The following GPC5 variants were observed in gnomAD, a reference collection of about 807,000 sequenced individuals.
GPC5 encodes the protein glypican-5.
Under a neutral mutation model 53.9 loss-of-function variants are expected in GPC5, and 47 were observed. The observed-to-expected ratio is 0.87, with a 90% CI of 0.69 to 1.11. The LOEUF (loss-of-function observed/expected upper bound fraction) is 1.11. GPC5 is among the 50% of genes most tolerant of loss of function. The pLI, the probability that GPC5 is intolerant of heterozygous loss-of-function variation, is 0.00. For synonymous variants in GPC5, 286 were observed against 263.3 expected (o/e 1.09, Z -0.84); for missense variants, 748 against 713.1 (o/e 1.05, Z -0.56).
intron 7 of GPC5, among the ~76,000 whole-genome samples, chr13:92,455,045 T>C (rs552496950): frequency 6.6e-6 from 1 of 152,148 alleles, no homozygotes; most frequent in Non-Finnish European, 1.5e-5. Context: ...ATGTTAAATA[T>C]GTATTGAGAA....
intron 2 of GPC5, among the ~76,000 whole-genome samples, chr13:91,615,889 G>T (rs1016903567): frequency 8.5e-5 from 13 of 152,116 alleles, no homozygotes. Context: ...TACTAGGATA[G>T]TTTCAAATGT....
rs377690152 is a variant in GPC5 at position 92,297,584 on chromosome 13, T to G, written c.1561+152595T>G. 3.5e-3 allele frequency among the ~76,000 whole-genome samples: 534 copies of G among 152,104 alleles called. 4 individuals carry two copies. The highest frequency in any genetic ancestry group is 0.012 in the African/African-American group (505 of 41,468). ...TGTATCTAGCTGCTCTGGTGGGGCC[T>G]TGGAGAACCTGTGTGTCGAAACTCT... is the stretch of plus-strand genomic sequence containing the variant. On this transcript the variant is annotated intron_variant, in intron 7 of 7. Coordinates refer to ENST00000377067, the MANE Select transcript of GPC5 (RefSeq NM_004466.6).
In GPC5 at chr13:91,626,663, A is replaced by T. The variant is rs560180037; in HGVS notation, c.326-66524A>T. Among the ~76,000 whole-genome samples, 24 of 151,550 alleles carry T rather than the reference A, an allele frequency of 1.6e-4. 1 individual carries two copies. In the South Asian group the frequency reaches 4.6e-3, roughly 29 times the overall value. ...GGAGCTTATTTTATTTTATTTTTTTATTTGTTTATATATATATTTATTATA... is the reference window on the plus strand; with the variant it reads ...GGAGCTTATTTTATTTTATTTTTTTTTTTGTTTATATATATATTTATTATA... On this transcript the variant is annotated intron_variant, in intron 2 of 7. Coordinates refer to ENST00000377067, the MANE Select transcript of GPC5 (RefSeq NM_004466.6).
intron 2 of GPC5, among the ~76,000 whole-genome samples, chr13:91,528,616 A>T (rs1186207252): frequency 1.3e-5 from 2 of 152,148 alleles, no homozygotes; most frequent in Non-Finnish European, 2.9e-5. Context: ...AGTTGCTTCC[A>T]CATTTTCATG....
At chr13:91,860,489 C>T (rs1006597652) in intron 5 of GPC5, among the ~76,000 whole-genome samples, 1 of 148,036 alleles carries the variant, frequency 6.8e-6, no homozygotes, top group Non-Finnish European at 1.5e-5. Flanking sequence ...TTCCTTCCTT[C>T]CTCTTTCTTT....
At chr13:92,590,867 T>C (rs1195909277) in intron 7 of GPC5, among the ~76,000 whole-genome samples, 1 of 152,240 alleles carries the variant, frequency 6.6e-6, no homozygotes, top group East Asian at 1.9e-4. Context: ...TATGAGCTTA[T>C]GGTTCAGTAG....
Position 92,008,210 on chromosome 13 carries a change from C to G in GPC5, c.1401+100153C>G, listed in dbSNP as rs533095253. ...CCTGAGTAGCTGGGACTACAGGCGC[C>G]CGCTACCACGCCCGGCTAATTTTTT... On this transcript the variant is annotated intron_variant, in intron 6 of 7. Transcript: ENST00000377067. Among the ~76,000 whole-genome samples, 4 of 151,992 alleles carry G rather than the reference C, an allele frequency of 2.6e-5. No homozygotes were observed. The East Asian group carries it at 7.8e-4, about 30-fold the overall frequency.
chr13:92,541,136 T>C (rs1167173248), intron 7 of GPC5, among the ~76,000 whole-genome samples: 1 of 151,834 alleles, frequency 6.6e-6, no homozygotes, highest in Non-Finnish European at 1.5e-5. Flanking sequence ...GTTTACAGTA[T>C]TAAATAAATA....
intron 6 of GPC5, among the ~76,000 whole-genome samples, chr13:92,017,467 C>G (rs1228699485): frequency 6.6e-6 from 1 of 152,026 alleles, no homozygotes; most frequent in African/African-American, 2.4e-5. Flanking sequence ...GCCACAGTGT[C>G]CTTTGGCAGG....
intron 2 of GPC5, among the ~76,000 whole-genome samples, chr13:91,460,306 T>C (rs1881850819): frequency 6.6e-6 from 1 of 151,984 alleles, no homozygotes; most frequent in African/African-American, 2.4e-5. Flanking sequence ...GTCTTTTTTT[T>C]TTTTGGTGGG....
At chr13:92,781,387 C>A (rs1291035900) in intron 7 of GPC5, among the ~76,000 whole-genome samples, 1 of 151,314 alleles carries the variant, frequency 6.6e-6, no homozygotes, top group Non-Finnish European at 1.5e-5. Flanking sequence ...TATCTGATAC[C>A]TTTCTTTAAA....
intron 7 of GPC5, among the ~76,000 whole-genome samples, chr13:92,636,767 C>T (rs1344176346): frequency 1.3e-5 from 2 of 152,124 alleles, no homozygotes; most frequent in Non-Finnish European, 2.9e-5. Context: ...ATGGTAGGTA[C>T]TTAGTGAAAA....
At chr13:91,620,946 T>C (rs2033838132) in intron 2 of GPC5, among the ~76,000 whole-genome samples, 1 of 152,136 alleles carries the variant, frequency 6.6e-6, no homozygotes, top group Non-Finnish European at 1.5e-5. Flanking sequence ...ATGTTACAGT[T>C]GGACATTTCT....
intron 2 of GPC5, among the ~76,000 whole-genome samples, chr13:91,487,726 T>G (rs1883694049): frequency 6.6e-6 from 1 of 152,214 alleles, no homozygotes; most frequent in Non-Finnish European, 1.5e-5. Flanking sequence ...AAAAATCTAT[T>G]ATCTCTACTT....
At chr13:92,802,138 T>C (rs1459433845) in intron 7 of GPC5, among the ~76,000 whole-genome samples, 4 of 151,944 alleles carry the variant, frequency 2.6e-5, no homozygotes, top group Middle Eastern at 3.4e-3. Context: ...AGGTGTACCA[T>C]TTTTTATTGT....
intron 5 of GPC5, among the ~76,000 whole-genome samples, chr13:91,819,783 A>T (rs2038461654): frequency 6.6e-6 from 1 of 152,150 alleles, no homozygotes; most frequent in Non-Finnish European, 1.5e-5. Flanking sequence ...TTGCTGGATT[A>T]TAAGTTTTGC....
chr13:91,635,039 G>A (rs2034252285), intron 2 of GPC5, among the ~76,000 whole-genome samples: 1 of 152,066 alleles, frequency 6.6e-6, no homozygotes. Flanking sequence ...TCAGAATTTT[G>A]CAGTAGAGTA....
At chr13:91,470,932 T>C (rs1467723217) in intron 2 of GPC5, among the ~76,000 whole-genome samples, 1 of 152,190 alleles carries the variant, frequency 6.6e-6, no homozygotes, top group Non-Finnish European at 1.5e-5. Context: ...ATTCTGATTT[T>C]ATTGTAAGTG....
chr13:92,693,661 T>G (rs78600931), intron 7 of GPC5, among the ~76,000 whole-genome samples: 4,198 of 152,216 alleles, frequency 0.028, 99 homozygotes, highest in Middle Eastern at 0.085. Flanking sequence ...CAGTCATACA[T>G]GTTCGCAAAG....
Sources: allele counts gnomAD v4.1 joint callset (sites outside exome capture counted in the v4.1 genomes callset), GRCh38; gene constraint gnomAD v4.1.1; transcripts MANE v1.5; gene names NCBI Gene and HGNC (gene_info 2026-07-23, HGNC 2026-07-21).